The following TTLL9 variants were observed in gnomAD, a reference collection of about 807,000 sequenced individuals.
The protein encoded by TTLL9 is probable tubulin polyglutamylase TTLL9.
In TTLL9, 47 loss-of-function variants were observed where a neutral mutation model predicts 65.6. That is an observed-to-expected ratio of 0.72 (90% CI 0.57 to 0.91). The LOEUF is 0.91. TTLL9 is among the 40% of genes least tolerant of loss of function. The pLI is 0.00. For synonymous variants in TTLL9, 179 were observed against 204.8 expected (o/e 0.87, Z 1.07); for missense variants, 537 against 568.8 (o/e 0.94, Z 0.57).
intron 2 of TTLL9, among the ~76,000 whole-genome samples, chr20:31,877,850 GGGA>G (rs1445027406): frequency 6.6e-6 from 1 of 152,142 alleles, no homozygotes; most frequent in Admixed American, 6.5e-5. Flanking sequence ...GATTGGATTG[GGGA>G]AAATACACAT....
intron 14 of TTLL9, among the ~76,000 whole-genome samples, chr20:31,942,256 T>C (rs181419422): frequency 6.6e-6 from 1 of 152,262 alleles, no homozygotes; most frequent in Non-Finnish European, 1.5e-5. Context: ...TAAATGACCA[T>C]AGTTACCTCA....
At chr20:31,931,702 T>C (rs1010099792) in intron 10 of TTLL9, among the ~76,000 whole-genome samples, 3 of 152,248 alleles carry the variant, frequency 2.0e-5, no homozygotes, top group Admixed American at 6.5e-5. Flanking sequence ...CTTATAAATC[T>C]CTTCAAATCC....
In TTLL9 at chr20:31,925,288, G is replaced by A. The variant is rs984355249; in HGVS notation, c.705+239G>A. Among the ~76,000 whole-genome samples the A allele has an allele frequency of 2.0e-5, 3 of 152,186 alleles. 1 individual carries two copies. The highest frequency in any genetic ancestry group is 6.8e-3 in the Middle Eastern group (2 of 294). ...TCTCTCTGCCCTTCTTTATTCATTC[G>A]GTCATCCACAGCAGACATTTATTGA... On this transcript the variant is annotated intron_variant, in intron 9 of 14. Coordinates refer to ENST00000535842, the MANE Select transcript of TTLL9 (RefSeq NM_001008409.5).
Position 31,937,093 on chromosome 20 carries a change from C to T in TTLL9, c.1005-303C>T, listed in dbSNP as rs1356256236. On this transcript the variant is annotated intron_variant, in intron 12 of 14. Coordinates refer to ENST00000535842, the MANE Select transcript of TTLL9 (RefSeq NM_001008409.5). ...AGCCTGGGCGACAAGAGCAAAACTC[C>T]CTCTCCAAAAAAAAAAAAAAAAAAG... Among the ~76,000 whole-genome samples, 92 of 137,258 alleles carry T rather than the reference C, an allele frequency of 6.7e-4. 2 individuals are homozygous for T. Among genetic ancestry groups the T allele is most frequent in the Non-Finnish European group, 1.8e-4 (12 of 65,012 alleles). The allele number at this position is 137,258 out of a possible 152,430, so 90.0% of individuals were successfully genotyped here. A position where few individuals can be genotyped will look rare whatever the true frequency, so the allele number is the denominator to read the frequency against.
chr20:31,879,797 C>A (rs1298347922), intron 2 of TTLL9: 19 of 1,544,614 alleles, frequency 1.2e-5, no homozygotes, highest in Non-Finnish European at 1.5e-5. Context: ...CGGATCCAGG[C>A]GCCTGTCTGT....
In TTLL9 at chr20:31,943,551, G is replaced by A. The variant is rs2064258507; in HGVS notation, c.*530G>A. On this transcript the variant is annotated 3_prime_UTR_variant, in exon 15 of 15. Coordinates refer to ENST00000535842, the MANE Select transcript of TTLL9 (RefSeq NM_001008409.5). ...GCAGTTATTAGATTGTGTGTTTATT[G>A]GGGGCCTGGGGAAGTACTGAGCCCT... is the stretch of plus-strand genomic sequence containing the variant. The A allele has an allele frequency of 5.8e-6, 2 of 344,642 alleles. No individual in the cohort carries two copies. Among genetic ancestry groups the A allele is most frequent in the Non-Finnish European group, 1.2e-5 (2 of 173,446 alleles). 21.3% of individuals were successfully genotyped at this position (344,642 alleles called of 1,614,324 possible). A position where few individuals can be genotyped will look rare whatever the true frequency, so the allele number is the denominator to read the frequency against.
chr20:31,895,077 T>C (rs775381380), intron 3 of TTLL9, among the ~76,000 whole-genome samples: 25 of 152,242 alleles, frequency 1.6e-4, no homozygotes, highest in Non-Finnish European at 3.4e-4. Context: ...AAGGTTTTAT[T>C]TGGGAATAAT....
At chr20:31,940,723 G>T (rs1385464107) in intron 14 of TTLL9, 1 of 152,258 alleles carries the variant, frequency 6.6e-6, no homozygotes, top group Non-Finnish European at 1.5e-5. Context: ...GATACTGGCT[G>T]TCAGTTGGGC....
chr20:31,882,511 A>G (rs991166744), intron 2 of TTLL9, among the ~76,000 whole-genome samples: 2 of 152,190 alleles, frequency 1.3e-5, no homozygotes, highest in African/African-American at 2.4e-5. Flanking sequence ...AACTGGCGCC[A>G]TTCGTGCTAC....
Position 31,898,493 on chromosome 20 carries a change from G to A in TTLL9, c.134G>A (p.Arg45Gln), listed in dbSNP as rs371118511. The part of the protein sequence containing the change: ...GKEREQRASI[R>Q]FKTTLMNTLM... ...TGCAGAGAGCAGAGAGCATCGATCC[G>A]GTTCAAGACCACCCTCATGAACACA... Residue 45 changes from arginine (R) to glutamine (Q), a missense_variant, in exon 4 of 15, where the codon CGG becomes CAG. Arg to Gln is a conservative substitution (Grantham distance 43). This residue lies in a region of TTLL9 where 320 missense variants were observed against 311.0 expected (regional missense o/e 1.03). Transcript: ENST00000535842. 60 of 1,613,992 alleles carry A rather than the reference G, an allele frequency of 3.7e-5. No homozygotes were observed. The highest frequency in any genetic ancestry group is 6.7e-5 in the Admixed American group (4 of 59,990).
chr20:31,940,255 A>AC (rs1174376561), intron 14 of TTLL9: 9 of 151,652 alleles, frequency 5.9e-5, no homozygotes, highest in Non-Finnish European at 2.9e-5. Context: ...AAACATACTG[A>AC]CTCGTTGTTT....
chr20:31,890,154 C>CTTCTTTCTTTCTTTCTTTCTCTCTTTCT (rs2063281700), intron 3 of TTLL9, among the ~76,000 whole-genome samples: 3 of 13,576 alleles, frequency 2.2e-4, no homozygotes, highest in Non-Finnish European at 3.8e-4. Context: ...TCCTTCCTTC[C>CTTCTTTCTTTCTTTCTTTCTCTCTTTCT]TTCTTTCTTT....
intron 6 of TTLL9, among the ~76,000 whole-genome samples, chr20:31,918,163 C>G (rs2123544596): frequency 6.6e-6 from 1 of 152,222 alleles, no homozygotes; most frequent in South Asian, 2.1e-4. Flanking sequence ...TGTGCCCGAG[C>G]TGTCTTATCT....
At chr20:31,911,918 T>C (rs2063658980) in intron 6 of TTLL9, among the ~76,000 whole-genome samples, 1 of 149,510 alleles carries the variant, frequency 6.7e-6, no homozygotes, top group Non-Finnish European at 1.5e-5. Flanking sequence ...GGGTGGAGAG[T>C]GGGCGCTTCT....
At chr20:31,889,993 T>TC (rs2063267438) in intron 3 of TTLL9, among the ~76,000 whole-genome samples, 1 of 132,304 alleles carries the variant, frequency 7.6e-6, no homozygotes, top group Admixed American at 7.5e-5. Flanking sequence ...TTTCTTTCTT[T>TC]CTTTCTTTCT....
chr20:31,886,523 TA>T (rs1386190193), intron 2 of TTLL9, among the ~76,000 whole-genome samples: 1 of 151,936 alleles, frequency 6.6e-6, no homozygotes, highest in Admixed American at 6.6e-5. Flanking sequence ...AAGTTAAGAG[TA>T]AAAAGTCCAG....
chr20:31,903,456 C>T (rs903689719), intron 4 of TTLL9, among the ~76,000 whole-genome samples: 9 of 152,030 alleles, frequency 5.9e-5, no homozygotes, highest in Non-Finnish European at 1.3e-4. Context: ...GTGCCTTTTG[C>T]GGTAAAAACT....
At chr20:31,879,966 C>T (rs1352538480) in intron 2 of TTLL9, 1 of 1,149,790 alleles carries the variant, frequency 8.7e-7, no homozygotes, top group Non-Finnish European at 1.1e-6. Context: ...CAGAGGGATT[C>T]AAAATCGGTT....
chr20:31,887,618 TG>T (rs2063211880), intron 3 of TTLL9, among the ~76,000 whole-genome samples: 1 of 152,132 alleles, frequency 6.6e-6, no homozygotes, highest in Non-Finnish European at 1.5e-5. Flanking sequence ...TCAACAACCC[TG>T]TGATGACTTG....
Sources: allele counts gnomAD v4.1 joint callset (sites outside exome capture counted in the v4.1 genomes callset), GRCh38; gene constraint gnomAD v4.1.1; regional missense constraint gnomAD v4.1.1; transcripts MANE v1.5; gene names NCBI Gene and HGNC (gene_info 2026-07-23, HGNC 2026-07-21).